Variants in EDEM2 observed in about 807,000 individuals in gnomAD.
EDEM2 encodes the protein ER degradation-enhancing alpha-mannosidase-like protein 2.
In EDEM2, 39 loss-of-function variants were observed where a neutral mutation model predicts 64.8. The ratio of observed to expected loss-of-function variants is 0.60; its 90% CI spans 0.47 to 0.79. The LOEUF (loss-of-function observed/expected upper bound fraction) is 0.79, where lower values mean the gene tolerates loss of function less well. Among genes scored for constraint, EDEM2 ranks in the 30% least tolerant of loss-of-function variants. The pLI, the probability that EDEM2 is intolerant of heterozygous loss-of-function variation, is 0.00. For synonymous variants in EDEM2, 296 were observed against 291.5 expected, an observed-to-expected ratio of 1.02 and a Z score of -0.16; for missense variants, 609 against 731.3, an observed-to-expected ratio of 0.83 and a Z score of 1.93.
chr20:35,146,674 T>A lies in EDEM2; in HGVS notation c.218+151A>T, dbSNP rs534093205. 43 of 789,032 alleles carry A rather than the reference T, an allele frequency of 5.4e-5. No individual in the cohort carries two copies. In the African/African-American group the frequency reaches 6.2e-4, roughly 11 times the overall value. The allele number at this position is 789,032 out of a possible 1,614,324, so 48.9% of individuals were successfully genotyped here. A position where few individuals can be genotyped will look rare whatever the true frequency, so the allele number is the denominator to read the frequency against. ...GAGGCTAAGTGGATCCTGGAGGTGA[T>A]AGTAAGAATTGCGGGGAGCGCGGCT... is the stretch of plus-strand genomic sequence containing the variant. On this transcript the variant is annotated intron_variant, in intron 2 of 10. Transcript: ENST00000374492.
At chr20:35,141,396 A>G (rs1456008018) in intron 4 of EDEM2, among the ~76,000 whole-genome samples, 1 of 152,226 alleles carries the variant, frequency 6.6e-6, no homozygotes, top group East Asian at 1.9e-4. Flanking sequence ...AAATAAAGGT[A>G]TAAGAATGAC....
At chr20:35,122,191 G>C (rs972915992) in intron 9 of EDEM2, among the ~76,000 whole-genome samples, 1 of 152,064 alleles carries the variant, frequency 6.6e-6, no homozygotes, top group Non-Finnish European at 1.5e-5. Context: ...TGGTAACTAA[G>C]CAAAAACTAG....
intron 5 of EDEM2, among the ~76,000 whole-genome samples, chr20:35,137,062 C>T (rs1475869770): frequency 6.6e-6 from 1 of 152,140 alleles, no homozygotes; most frequent in Non-Finnish European, 1.5e-5. Flanking sequence ...TTAGCCTCTC[C>T]AAAACCCGAT....
chr20:35,119,715 T>C (rs1431588386), intron 9 of EDEM2, among the ~76,000 whole-genome samples: 1 of 152,200 alleles, frequency 6.6e-6, no homozygotes, highest in Non-Finnish European at 1.5e-5. Context: ...CCCAATTCTA[T>C]GCCACAACTG....
intron 3 of EDEM2, among the ~76,000 whole-genome samples, chr20:35,142,746 T>A (rs77893446): frequency 0.017 from 2,560 of 152,242 alleles, 37 homozygotes; most frequent in Non-Finnish European, 0.025. Flanking sequence ...GAACGCAAAC[T>A]ACGCATAGAA....
intron 10 of EDEM2, 42 bp from the exon 11 acceptor site, chr20:35,115,975 A>G (rs1358772444): frequency 1.9e-6 from 3 of 1,586,748 alleles, no homozygotes; most frequent in African/African-American, 1.4e-5. Flanking sequence ...CACCATCACA[A>G]TTTAGTAGTA....
chr20:35,118,116 A>G (rs2085329398), intron 10 of EDEM2, among the ~76,000 whole-genome samples: 1 of 152,162 alleles, frequency 6.6e-6, no homozygotes, highest in Admixed American at 6.5e-5. Context: ...GAGCAAGGCC[A>G]CTGCTGTAAC....
chr20:35,121,526 C>T (rs2085368604), intron 9 of EDEM2, among the ~76,000 whole-genome samples: 1 of 152,180 alleles, frequency 6.6e-6, no homozygotes, highest in South Asian at 2.1e-4. Context: ...TGGACTTGTA[C>T]CGGTCCACGG....
chr20:35,122,362 A>G (rs1298032409), intron 9 of EDEM2, among the ~76,000 whole-genome samples: 1 of 151,966 alleles, frequency 6.6e-6, no homozygotes, highest in East Asian at 1.9e-4. Flanking sequence ...AGAGCTTCTT[A>G]TTTTTAAAAT....
chr20:35,140,747 A>G (rs549958019), intron 4 of EDEM2, among the ~76,000 whole-genome samples: 1 of 152,258 alleles, frequency 6.6e-6, no homozygotes, highest in East Asian at 1.9e-4. Flanking sequence ...TAATTTCCAT[A>G]TTAGTAAGAG....
intron 6 of EDEM2, among the ~76,000 whole-genome samples, chr20:35,133,530 G>A (rs139791629): frequency 0.1 from 15,696 of 151,060 alleles, 905 homozygotes; most frequent in South Asian, 0.16. Context: ...GCAATGGCGC[G>A]ATCTCGGCTC....
intron 6 of EDEM2, 129 bp downstream of exon 6, chr20:35,134,609 T>C: frequency 2.0e-6 from 2 of 1,023,840 alleles, no homozygotes; most frequent in Non-Finnish European, 2.8e-6. Flanking sequence ...ATTTTTGGTG[T>C]CCTGAGCCCA....
At chr20:35,118,772 TG>T in intron 9 of EDEM2, 53 bp from the exon 10 acceptor site, 1 of 1,603,578 alleles carries the variant, frequency 6.2e-7, no homozygotes, top group South Asian at 1.1e-5. Context: ...AGAGATGGCC[TG>T]GGGCCTCTTA....
chr20:35,123,732 T>C (rs1191421644), intron 9 of EDEM2, among the ~76,000 whole-genome samples, 158 bp downstream of exon 9: 1 of 152,146 alleles, frequency 6.6e-6, no homozygotes, highest in African/African-American at 2.4e-5. Flanking sequence ...ATGGGGATAA[T>C]TAACTCCTAG....
chr20:35,115,841 T>C lies in EDEM2; in HGVS notation c.1329A>G (p.Pro443=), dbSNP rs750693418. ...TVKYLYLLFD[P]TNFIHNNGST... is the part of the protein sequence containing the mutation. Reference sequence around the variant, plus strand: ...ACCCATTGTTGTGGATGAAGTTGGTTGGGTCAAACAGGAGGTAGAGGTATT... The same window carrying C: ...ACCCATTGTTGTGGATGAAGTTGGTCGGGTCAAACAGGAGGTAGAGGTATT... Residue 443 remains proline (P), a synonymous_variant, in exon 11 of 11, where the codon CCA becomes CCG. Transcript: ENST00000374492. 1 of 1,613,634 alleles carries C rather than the reference T, an allele frequency of 6.2e-7. No individual in the cohort carries two copies. Among genetic ancestry groups the C allele is most frequent in the South Asian group, 1.1e-5 (1 of 91,074 alleles).
intron 4 of EDEM2, among the ~76,000 whole-genome samples, chr20:35,140,275 T>A (rs1262509562): frequency 2.0e-5 from 3 of 152,122 alleles, no homozygotes; most frequent in East Asian, 1.9e-4. Context: ...CTCAAGATCA[T>A]GAGTTTGAGA....
intron 2 of EDEM2, among the ~76,000 whole-genome samples, chr20:35,145,861 G>A (rs2085722587): frequency 6.6e-6 from 1 of 152,058 alleles, no homozygotes; most frequent in East Asian, 1.9e-4. Context: ...AATTAGCCGG[G>A]TGTGGTGGTG....
chr20:35,138,060 C>A, intron 4 of EDEM2, 55 bp from the exon 5 acceptor site: 1 of 1,600,346 alleles, frequency 6.2e-7, no homozygotes, highest in Non-Finnish European at 8.5e-7. Context: ...ACCAAGGGAT[C>A]AAGGATCTTT....
chr20:35,126,507 G>T, intron 7 of EDEM2, 132 bp from the exon 8 acceptor site: 1 of 1,113,670 alleles, frequency 9.0e-7, no homozygotes. Flanking sequence ...GGCTAGACAA[G>T]AGCATGGATT....
Sources: allele counts gnomAD v4.1 joint callset (sites outside exome capture counted in the v4.1 genomes callset), GRCh38; gene constraint gnomAD v4.1.1; transcripts MANE v1.5; gene names NCBI Gene and HGNC (gene_info 2026-07-23, HGNC 2026-07-21).